Variants in USH2A observed in about 807,000 individuals in gnomAD.
The protein encoded by USH2A is usherin.
In USH2A, 443 loss-of-function variants were observed where a neutral mutation model predicts 538.9. The observed-to-expected ratio is 0.82, with a 90% confidence interval of 0.76 to 0.89. The LOEUF is 0.89. USH2A is among the 40% of genes least tolerant of loss of function. The pLI, the probability that USH2A is intolerant of heterozygous loss-of-function variation, is 0.00. For synonymous variants in USH2A, 2,413 were observed against 2,273.5 expected (o/e 1.06, Z -1.75); for missense variants, 6,633 against 6,324.8 (o/e 1.05, Z -1.65).
intron 41 of USH2A, among the ~76,000 whole-genome samples, chr1:215,880,307 T>A (rs1664873124): frequency 6.6e-6 from 1 of 152,300 alleles, no homozygotes; most frequent in South Asian, 2.1e-4. Context: ...AAGAGTATTC[T>A]TACTAATAAT....
At chr1:215,945,469 C>G (rs1666735126) in intron 37 of USH2A, among the ~76,000 whole-genome samples, 1 of 152,050 alleles carries the variant, frequency 6.6e-6, no homozygotes, top group African/African-American at 2.4e-5. Flanking sequence ...TACCTAATAG[C>G]ACCCTAAGAA....
At chr1:215,742,642 C>T (rs558109550) in intron 59 of USH2A, among the ~76,000 whole-genome samples, 98 of 152,212 alleles carry the variant, frequency 6.4e-4, no homozygotes, top group Middle Eastern at 6.8e-3. Context: ...GGAGGCTTTT[C>T]CTTAACACAA....
At chr1:215,965,961 ACG>A (rs1571852770) in intron 36 of USH2A, among the ~76,000 whole-genome samples, 6 of 148,290 alleles carry the variant, frequency 4.0e-5, no homozygotes, top group East Asian at 2.0e-4. Flanking sequence ...ACACACACAC[ACG>A]CATGCATACA....
intron 21 of USH2A, among the ~76,000 whole-genome samples, chr1:216,146,714 C>A (rs1034232589): frequency 3.5e-4 from 54 of 152,182 alleles, no homozygotes; most frequent in African/African-American, 1.2e-3. Flanking sequence ...GTCCCAACCC[C>A]CTCTCTGCTT....
At chr1:216,211,760 C>A (rs1470858995) in intron 15 of USH2A, among the ~76,000 whole-genome samples, 1 of 152,030 alleles carries the variant, frequency 6.6e-6, no homozygotes, top group East Asian at 1.9e-4. Flanking sequence ...CCGAATAACA[C>A]CTTACATTTT....
intron 3 of USH2A, among the ~76,000 whole-genome samples, chr1:216,407,118 C>T (rs2039409103): frequency 6.6e-6 from 1 of 151,954 alleles, no homozygotes; most frequent in Non-Finnish European, 1.5e-5. Context: ...TCTGTCCTTC[C>T]CTCTTTCTTT....
At chr1:215,760,803 T>G (rs1448337981) in intron 56 of USH2A, among the ~76,000 whole-genome samples, 1 of 152,174 alleles carries the variant, frequency 6.6e-6, no homozygotes, top group African/African-American at 2.4e-5. Context: ...CTTCTCCTGG[T>G]CCAAGCCACG....
intron 32 of USH2A, among the ~76,000 whole-genome samples, chr1:216,011,591 C>G (rs1274592596): frequency 1.3e-5 from 2 of 152,122 alleles, no homozygotes; most frequent in African/African-American, 2.4e-5. Context: ...TGTAGCCTTT[C>G]TGTCCAAACA....
At chr1:215,721,254 T>C (rs868846770) in intron 61 of USH2A, among the ~76,000 whole-genome samples, 1 of 152,146 alleles carries the variant, frequency 6.6e-6, no homozygotes, top group Non-Finnish European at 1.5e-5. Flanking sequence ...TTTGTATTTT[T>C]ACTAGAGACA....
chr1:216,379,592 C>CT (rs2038895471), intron 3 of USH2A, among the ~76,000 whole-genome samples: 1 of 152,180 alleles, frequency 6.6e-6, no homozygotes, highest in African/African-American at 2.4e-5. Context: ...GAATCAGTGT[C>CT]TAAGTCATTT....
intron 9 of USH2A, 100 bp from the exon 10 acceptor site, chr1:216,292,470 A>T: frequency 7.9e-7 from 1 of 1,263,656 alleles, no homozygotes. Context: ...AGCACATATC[A>T]GTGAGTTAAA....
At chr1:216,054,325 T>C (rs1387293617) in intron 30 of USH2A, among the ~76,000 whole-genome samples, 1 of 152,120 alleles carries the variant, frequency 6.6e-6, no homozygotes, top group Non-Finnish European at 1.5e-5. Context: ...TGCTGTAACC[T>C]CAAGTTTCAA....
At chr1:215,904,009 T>C (rs1217222006) in intron 38 of USH2A, among the ~76,000 whole-genome samples, 2 of 152,120 alleles carry the variant, frequency 1.3e-5, no homozygotes, top group Non-Finnish European at 2.9e-5. Context: ...TATACTTTAA[T>C]TGATTTATAA....
At chr1:216,313,246 C>T (rs1404460362) in intron 9 of USH2A, among the ~76,000 whole-genome samples, 1 of 152,190 alleles carries the variant, frequency 6.6e-6, no homozygotes, top group African/African-American at 2.4e-5. Flanking sequence ...AGCTCACCAG[C>T]TGCTCACGTC....
chr1:216,173,615 C>T (rs2034314152), intron 21 of USH2A, among the ~76,000 whole-genome samples: 1 of 152,172 alleles, frequency 6.6e-6, no homozygotes, highest in African/African-American at 2.4e-5. Context: ...CCAGACACTG[C>T]ATCTGCCCCT....
chr1:215,727,215 A>G (rs993123069), intron 61 of USH2A, among the ~76,000 whole-genome samples: 1 of 152,170 alleles, frequency 6.6e-6, no homozygotes, highest in African/African-American at 2.4e-5. Flanking sequence ...ACACATACAT[A>G]CACACATATA....
chr1:215,761,859 G>A (rs6687309), intron 56 of USH2A, among the ~76,000 whole-genome samples: 18,629 of 151,710 alleles, frequency 0.12, 1,262 homozygotes, highest in African/African-American at 0.13. Context: ...ATCTCTTCTG[G>A]AGATTAAAAA....
chr1:216,053,722 G>C (rs2030877050), intron 30 of USH2A, among the ~76,000 whole-genome samples: 1 of 152,128 alleles, frequency 6.6e-6, no homozygotes, highest in African/African-American at 2.4e-5. Flanking sequence ...GGCACCAGCA[G>C]GACCATAACT....
At position 215,786,684 on chromosome 1, in the gene USH2A, G is replaced by C. The variant is rs149485593; in HGVS notation, c.10373C>G (p.Thr3458Arg). The C allele has an allele frequency of 6.2e-7, 1 of 1,613,854 alleles. No homozygotes were observed. The highest frequency in any genetic ancestry group is 1.3e-5 in the African/African-American group (1 of 74,908). ...CTTTCTGTTACCTGTGTAAGAGTACGTGTTTACACTCCCTGTATGAATGGT... is the reference window on the plus strand; with the variant it reads ...CTTTCTGTTACCTGTGTAAGAGTACCTGTTTACACTCCCTGTATGAATGGT... ...EETIHTGSVNTYSYTDVNLKP... is the reference protein window; with the variant it reads ...EETIHTGSVNRYSYTDVNLKP... The change falls in exon 52 of 72, where the codon ACG (threonine) becomes AGG (arginine). Residue 3458 changes from threonine to arginine, a missense_variant. By Grantham distance (71) the Thr-to-Arg change is moderately conservative. Coordinates refer to ENST00000307340, the MANE Select transcript of USH2A (RefSeq NM_206933.4).
Sources: gnomAD v4.1 joint callset for allele counts (sites outside exome capture counted in the v4.1 genomes callset) on GRCh38, gnomAD v4.1.1 for gene constraint, MANE v1.5 for transcripts, NCBI Gene and HGNC (gene_info 2026-07-23, HGNC 2026-07-21) for gene names.